PTPRM: variants seen among roughly 807,000 people sequenced by gnomAD.
PTPRM encodes receptor-type tyrosine-protein phosphatase mu.
Under a neutral mutation model 186.7 loss-of-function variants are expected in PTPRM, and 47 were observed. That is an observed-to-expected ratio of 0.25 (90% CI 0.20 to 0.32). The LOEUF is 0.32. PTPRM is among the 10% of genes least tolerant of loss of function. The pLI is 1.00. For synonymous variants in PTPRM, 668 were observed against 674.9 expected (o/e 0.99, Z 0.16); for missense variants, 1,494 against 1,865.0 (o/e 0.80, Z 3.66).
chr18:8,189,497 G>C (rs1317488756), intron 14 of PTPRM, among the ~76,000 whole-genome samples: 1 of 152,106 alleles, frequency 6.6e-6, no homozygotes, highest in African/African-American at 2.4e-5. Context: ...TTCCCACTGA[G>C]AATTAAGCCT....
At chr18:8,224,623 T>C (rs1466794758) in intron 14 of PTPRM, among the ~76,000 whole-genome samples, 1 of 152,198 alleles carries the variant, frequency 6.6e-6, no homozygotes, top group Admixed American at 6.5e-5. Context: ...GGATTTTTAT[T>C]CTGATCCCAC....
rs577724794 is a variant in PTPRM at position 8,384,386 on chromosome 18, A to G, written c.3919-175A>G. Among the ~76,000 whole-genome samples the G allele has an allele frequency of 2.6e-5, 4 of 152,240 alleles. No individual in the cohort carries two copies. In the South Asian group the frequency reaches 8.3e-4, roughly 32 times the overall value. On this transcript the variant is annotated intron_variant, in intron 29 of 32. Transcript: ENST00000580170. ...GGTGCAAGGGTTGCTTGAGCCCAGG[A>G]GCTCAAGGCTGCAGTGAGCCATGAT... is the stretch of plus-strand genomic sequence containing the variant.
intron 1 of PTPRM, among the ~76,000 whole-genome samples, chr18:7,679,790 T>C (rs1302524510): frequency 1.3e-5 from 2 of 152,196 alleles, no homozygotes; most frequent in Admixed American, 1.3e-4. Flanking sequence ...TCTGTGAGTC[T>C]AAAACAATAG....
intron 2 of PTPRM, among the ~76,000 whole-genome samples, chr18:7,837,226 T>G (rs2046094759): frequency 6.6e-6 from 1 of 152,212 alleles, no homozygotes; most frequent in Non-Finnish European, 1.5e-5. Flanking sequence ...TTCCTCTGAC[T>G]GTGTATTTTC....
chr18:8,206,268 A>ATTTATTTTTTTTTTTTT (rs2093927741), intron 14 of PTPRM, among the ~76,000 whole-genome samples: 3 of 148,988 alleles, frequency 2.0e-5, no homozygotes, highest in African/African-American at 7.8e-5. Flanking sequence ...ATTTTATTTT[A>ATTTATTTTTTTTTTTTT]TTTTGAGACG....
At chr18:7,677,987 C>T (rs540152590) in intron 1 of PTPRM, among the ~76,000 whole-genome samples, 3 of 152,118 alleles carry the variant, frequency 2.0e-5, no homozygotes, top group South Asian at 2.1e-4. Context: ...TGTCGTACTC[C>T]GGGCACCTGA....
intron 2 of PTPRM, among the ~76,000 whole-genome samples, chr18:7,802,120 AC>A (rs1213548214): frequency 6.6e-6 from 1 of 152,038 alleles, no homozygotes; most frequent in Non-Finnish European, 1.5e-5. Context: ...TGAGGTTCTC[AC>A]CGACCTTTTC....
intron 1 of PTPRM, among the ~76,000 whole-genome samples, chr18:7,655,963 T>C (rs996106549): frequency 3.9e-5 from 6 of 152,170 alleles, no homozygotes; most frequent in Non-Finnish European, 7.4e-5. Flanking sequence ...AGAACCCTTA[T>C]GCACAGTTGA....
chr18:7,765,871 A>T (rs1172498617), intron 1 of PTPRM, among the ~76,000 whole-genome samples: 1 of 152,340 alleles, frequency 6.6e-6, no homozygotes, highest in Admixed American at 6.5e-5. Context: ...GGAGTATTAC[A>T]GTCTTTTTAC....
intron 1 of PTPRM, among the ~76,000 whole-genome samples, chr18:7,644,839 T>A (rs921587903): frequency 6.6e-6 from 1 of 152,148 alleles, no homozygotes; most frequent in Non-Finnish European, 1.5e-5. Flanking sequence ...GAAGATGATA[T>A]ACGCTTATAT....
intron 2 of PTPRM, among the ~76,000 whole-genome samples, chr18:7,882,198 C>T (rs2146292143): frequency 6.6e-6 from 1 of 152,230 alleles, no homozygotes; most frequent in South Asian, 2.1e-4. Context: ...AATTTTATTT[C>T]ATCGAATAAT....
intron 20 of PTPRM, among the ~76,000 whole-genome samples, chr18:8,304,970 C>A (rs1002912848): frequency 2.6e-5 from 4 of 151,978 alleles, no homozygotes; most frequent in Non-Finnish European, 5.9e-5. Flanking sequence ...GATTTTATCC[C>A]CTGCAGAAAC....
At chr18:7,794,198 G>C (rs2043485308) in intron 2 of PTPRM, among the ~76,000 whole-genome samples, 1 of 152,168 alleles carries the variant, frequency 6.6e-6, no homozygotes, top group African/African-American at 2.4e-5. Context: ...AAATCCCTCT[G>C]TCCTTGTGAT....
At chr18:7,608,821 T>C (rs1292679069) in intron 1 of PTPRM, among the ~76,000 whole-genome samples, 1 of 152,036 alleles carries the variant, frequency 6.6e-6, no homozygotes, top group Admixed American at 6.5e-5. Flanking sequence ...GCCTGGAGAA[T>C]TTTAGAGCTC....
At chr18:8,023,872 G>GCA (rs1353104628) in intron 7 of PTPRM, among the ~76,000 whole-genome samples, 9 of 105,524 alleles carry the variant, frequency 8.5e-5, no homozygotes, top group South Asian at 6.2e-4. Context: ...ACACACACAC[G>GCA]CACACCCCTC....
intron 7 of PTPRM, among the ~76,000 whole-genome samples, chr18:8,051,310 T>C (rs2087481796): frequency 6.6e-6 from 1 of 152,228 alleles, no homozygotes; most frequent in Admixed American, 6.5e-5. Flanking sequence ...AGTTATGTAA[T>C]ATTTGATACA....
At chr18:8,238,672 TTTTTTTTTTTTTG>T (rs2094379048) in intron 14 of PTPRM, among the ~76,000 whole-genome samples, 1 of 140,276 alleles carries the variant, frequency 7.1e-6, no homozygotes, top group Non-Finnish European at 1.5e-5. Flanking sequence ...TTTTTTTTTT[TTTTTTTTTTTTTG>T]CGAAGCTACA....
At chr18:7,992,091 T>C (rs2083295885) in intron 7 of PTPRM, among the ~76,000 whole-genome samples, 1 of 152,142 alleles carries the variant, frequency 6.6e-6, no homozygotes, top group Non-Finnish European at 1.5e-5. Flanking sequence ...AAAACTGATG[T>C]GTATTTTCCT....
intron 7 of PTPRM, among the ~76,000 whole-genome samples, chr18:8,010,584 T>C (rs149919958): frequency 8.8e-4 from 134 of 152,244 alleles, no homozygotes; most frequent in Non-Finnish European, 1.6e-3. Context: ...GTTCATATTG[T>C]GACTGCCCAG....
Sources: allele counts gnomAD v4.1 joint callset (sites outside exome capture counted in the v4.1 genomes callset), GRCh38; gene constraint gnomAD v4.1.1; transcripts MANE v1.5; gene names NCBI Gene and HGNC (gene_info 2026-07-23, HGNC 2026-07-21).